The following PFKP variants were observed in gnomAD, a reference collection of about 807,000 sequenced individuals.
PFKP encodes the protein ATP-dependent 6-phosphofructokinase, platelet type.
PFKP carries 101 observed loss-of-function variants against 94.3 expected under a neutral mutation model. The observed-to-expected ratio is 1.07, with a 90% confidence interval of 0.91 to 1.26. PFKP has a LOEUF of 1.26. PFKP is among the 50% of genes most tolerant of loss of function. The pLI is 0.00. For synonymous variants in PFKP, 573 were observed against 432.6 expected, an observed-to-expected ratio of 1.32 and a Z score of -4.03; for missense variants, 1,145 against 1,103.3, an observed-to-expected ratio of 1.04 and a Z score of -0.53.
At chr10:3,068,834 TTTG>T in intron 1 of PFKP, 1 of 418,524 alleles carries the variant, frequency 2.4e-6, no homozygotes, top group Non-Finnish European at 3.2e-6. Context: ...GGTTTTGATT[TTTG>T]TTTTCCCGGT....
At chr10:3,102,143 T>TGG (rs1835066196) in intron 4 of PFKP, among the ~76,000 whole-genome samples, 1 of 143,166 alleles carries the variant, frequency 7.0e-6, no homozygotes, top group Non-Finnish European at 1.5e-5. Context: ...CCCAGCTACT[T>TGG]GGGAGGCTGA....
chr10:3,115,221 A>AG (rs375890793), intron 13 of PFKP, among the ~76,000 whole-genome samples: 11 of 145,626 alleles, frequency 7.6e-5, no homozygotes, highest in African/African-American at 2.5e-4. Context: ...CCAGGGTGAA[A>AG]GTGTGTGTCC....
intron 1 of PFKP, among the ~76,000 whole-genome samples, chr10:3,079,166 G>A (rs1330054060): frequency 2.6e-5 from 4 of 152,156 alleles, no homozygotes; most frequent in African/African-American, 9.7e-5. Context: ...GGACTTCAGC[G>A]ATTGAGTTTA....
chr10:3,115,822 C>T (rs1300371924), intron 13 of PFKP, among the ~76,000 whole-genome samples: 1 of 152,094 alleles, frequency 6.6e-6, no homozygotes, highest in Non-Finnish European at 1.5e-5. Context: ...GAAGAGGAAA[C>T]CCCAGCCCAG....
intron 11 of PFKP, 147 bp from the exon 12 acceptor site, chr10:3,112,972 C>T (rs1836404071): frequency 9.8e-6 from 7 of 713,088 alleles, no homozygotes; most frequent in Non-Finnish European, 1.7e-5. Flanking sequence ...CTCTGCCATG[C>T]ACATGGAACC....
chr10:3,109,874 G>A (rs1435209596), intron 10 of PFKP, among the ~76,000 whole-genome samples: 7 of 152,000 alleles, frequency 4.6e-5, no homozygotes, highest in African/African-American at 7.2e-5. Flanking sequence ...GGAGGCGGGC[G>A]TGAGAGAGAC....
chr10:3,121,628 G>A (rs1837417352), intron 16 of PFKP, among the ~76,000 whole-genome samples: 3 of 146,618 alleles, frequency 2.0e-5, no homozygotes, highest in South Asian at 4.3e-4. Flanking sequence ...CAAATGCATA[G>A]GGTCAAATTT....
chr10:3,123,391 G>A (rs367962906), intron 16 of PFKP, among the ~76,000 whole-genome samples: 15 of 152,300 alleles, frequency 9.8e-5, no homozygotes, highest in East Asian at 7.7e-4. Flanking sequence ...GGTCTCCCCC[G>A]TATTGAAGCT....
intron 2 of PFKP, among the ~76,000 whole-genome samples, chr10:3,086,035 T>C (rs1564277473): frequency 6.6e-6 from 1 of 152,122 alleles, no homozygotes; most frequent in Non-Finnish European, 1.5e-5. Context: ...TGGGAGACAG[T>C]ACCACACCCG....
chr10:3,131,193 C>T (rs1409553438), intron 17 of PFKP, among the ~76,000 whole-genome samples: 2 of 152,088 alleles, frequency 1.3e-5, no homozygotes, highest in Non-Finnish European at 2.9e-5. Context: ...TTTAGATACA[C>T]AATTGCCTGC....
chr10:3,091,102 G>A (rs191594865), intron 2 of PFKP, among the ~76,000 whole-genome samples: 2 of 152,286 alleles, frequency 1.3e-5, no homozygotes, highest in African/African-American at 4.8e-5. Context: ...CCTGGGCCAA[G>A]CCTACGTGTG....
chr10:3,126,960 G>C (rs569144139), intron 16 of PFKP, among the ~76,000 whole-genome samples: 2 of 152,256 alleles, frequency 1.3e-5, no homozygotes, highest in Admixed American at 6.5e-5. Context: ...TGCTGTCCAC[G>C]TGCCAGCCCT....
chr10:3,104,782 A>C, intron 5 of PFKP: 1 of 396,356 alleles, frequency 2.5e-6, no homozygotes, highest in Non-Finnish European at 4.6e-6. Context: ...TGTGCCCAAT[A>C]GAGAAGGTAT....
chr10:3,069,223 T>C lies in PFKP; in HGVS notation c.112+1516T>C, dbSNP rs373176317. 4.4e-6 allele frequency: 6 copies of C among 1,377,600 alleles called. No individual in the cohort carries two copies. In the African/African-American group the frequency reaches 5.9e-5, roughly 14 times the overall value. The allele number at this position is 1,377,600 out of a possible 1,614,324, so 85.3% of individuals were successfully genotyped here. On this transcript the variant is annotated intron_variant, in intron 1 of 21. Transcript: ENST00000381125. The stretch of plus-strand genomic sequence containing the variant: ...CCTGCAGCGCCCCCGGGAAGTGCTC[T>C]GGCGTTAGCATTCCAGTAAAAGGAC...
In PFKP at chr10:3,129,755, G is replaced by T; in HGVS notation, c.1684-64G>T. 1.9e-6 allele frequency: 3 copies of T among 1,571,048 alleles called. No individual in the cohort carries two copies. The South Asian group carries it at 3.4e-5, about 18-fold the overall frequency. On this transcript the variant is annotated intron_variant, in intron 16 of 21. Coordinates refer to ENST00000381125, the MANE Select transcript of PFKP (RefSeq NM_002627.5). ...CCTTGCTGCACTCACTCTTGGGGGA[G>T]CTCTGGGATGGTGGGCGCGCCCCGG... is the stretch of plus-strand genomic sequence containing the variant.
chr10:3,111,944 A>G (rs1836277080), intron 10 of PFKP, among the ~76,000 whole-genome samples: 1 of 152,226 alleles, frequency 6.6e-6, no homozygotes, highest in African/African-American at 2.4e-5. Flanking sequence ...TTGTGTCCAC[A>G]AACAGCAGGT....
chr10:3,128,508 C>T (rs924385759), intron 16 of PFKP, among the ~76,000 whole-genome samples: 8 of 152,248 alleles, frequency 5.3e-5, no homozygotes, highest in Non-Finnish European at 1.0e-4. Context: ...ATAATACTCT[C>T]TCCCACAGCT....
At position 3,093,890 on chromosome 10, in the gene PFKP, G is replaced by A. The variant is rs112945140; in HGVS notation, c.187-5385G>A. Among the ~76,000 whole-genome samples the A allele has an allele frequency of 7.1e-4, 108 of 152,162 alleles. 1 individual carries two copies. In the South Asian group the frequency reaches 0.015, roughly 20 times the overall value. On this transcript the variant is annotated intron_variant, in intron 2 of 21. Coordinates refer to ENST00000381125, the MANE Select transcript of PFKP (RefSeq NM_002627.5). ...CATCTCCTGACCTTGTGATCCGCCCGCCTTGGCCTCCCAAAGTGCTGGGAT... is the reference window on the plus strand; with the variant it reads ...CATCTCCTGACCTTGTGATCCGCCCACCTTGGCCTCCCAAAGTGCTGGGAT...
chr10:3,109,818 G>GT (rs1361927013), intron 10 of PFKP, among the ~76,000 whole-genome samples: 1 of 152,100 alleles, frequency 6.6e-6, no homozygotes, highest in Admixed American at 6.5e-5. Context: ...GAAGGACAGA[G>GT]TGCAGGGAGG....
Sources: allele counts gnomAD v4.1 joint callset (sites outside exome capture counted in the v4.1 genomes callset), GRCh38; gene constraint gnomAD v4.1.1; transcripts MANE v1.5; gene names NCBI Gene and HGNC (gene_info 2026-07-23, HGNC 2026-07-21).